The following LRRTM4 variants were observed in gnomAD, a reference collection of about 807,000 sequenced individuals.
LRRTM4 encodes the protein leucine rich repeat transmembrane neuronal 4.
Under a neutral mutation model 47.6 loss-of-function variants are expected in LRRTM4, and 25 were observed. The ratio of observed to expected loss-of-function variants is 0.53; its 90% CI spans 0.38 to 0.73. LRRTM4 has a LOEUF of 0.73. Ranked by LOEUF, LRRTM4 falls within the 30% of genes least tolerant of loss-of-function variation. The pLI, the probability that LRRTM4 is intolerant of heterozygous loss-of-function variation, is 0.00. For missense variants in LRRTM4, 638 were observed against 713.4 expected (o/e 0.89, Z 1.20); for synonymous variants, 311 against 269.5 (o/e 1.15, Z -1.51).
Position 77,430,173 on chromosome 2 carries a change from C to T in LRRTM4, c.1551+88145G>A, listed in dbSNP as rs112867423. On this transcript the variant is annotated intron_variant, in intron 3 of 3. Transcript: ENST00000409884. ...ATCTTGTTTTCTCCACAAACAATAA[C>T]AATGTGAGGTGATGCATATGTTAAT... Among the ~76,000 whole-genome samples the T allele has an allele frequency of 5.0e-3, 759 of 152,136 alleles. 5 individuals are homozygous for T. Among genetic ancestry groups the T allele is most frequent in the African/African-American group, 0.017 (719 of 41,502 alleles).
chr2:77,274,151 A>T (rs1676277769), intron 3 of LRRTM4, among the ~76,000 whole-genome samples: 1 of 152,088 alleles, frequency 6.6e-6, no homozygotes, highest in Non-Finnish European at 1.5e-5. Context: ...ACATTTACAC[A>T]CACACACATA....
At chr2:77,326,805 G>GTGTTATATCC in intron 3 of LRRTM4, among the ~76,000 whole-genome samples, 1 of 152,286 alleles carries the variant, frequency 6.6e-6, no homozygotes, top group East Asian at 1.9e-4. Context: ...GAAAGACAAC[G>GTGTTATATCC]TGTTATATCC....
At chr2:77,236,583 G>A (rs1387996695) in intron 3 of LRRTM4, among the ~76,000 whole-genome samples, 1 of 151,850 alleles carries the variant, frequency 6.6e-6, no homozygotes, top group Non-Finnish European at 1.5e-5. Context: ...ATGAGAATGA[G>A]CATCCTTTTC....
chr2:77,259,639 G>C (rs1475870912), intron 3 of LRRTM4, among the ~76,000 whole-genome samples: 3 of 151,980 alleles, frequency 2.0e-5, no homozygotes, highest in South Asian at 2.1e-4. Context: ...GGGTTAAAAT[G>C]TAGGCACACC....
chr2:76,774,515 A>C (rs770460473), intron 3 of LRRTM4, among the ~76,000 whole-genome samples: 1 of 152,188 alleles, frequency 6.6e-6, no homozygotes, highest in Non-Finnish European at 1.5e-5. Flanking sequence ...TATTAAGAAA[A>C]TTTAAAAAAG....
intron 3 of LRRTM4, among the ~76,000 whole-genome samples, chr2:77,319,231 C>A (rs1053236599): frequency 6.6e-6 from 1 of 151,872 alleles, no homozygotes; most frequent in Non-Finnish European, 1.5e-5. Flanking sequence ...ACTAAAAATA[C>A]AAAAAATCAG....
chr2:77,252,506 T>C (rs528043448), intron 3 of LRRTM4, among the ~76,000 whole-genome samples: 1 of 151,640 alleles, frequency 6.6e-6, no homozygotes, highest in Admixed American at 6.6e-5. Context: ...CTCCTAAGTC[T>C]TTTTAGATTT....
Position 77,095,155 on chromosome 2 carries a change from A to G in LRRTM4, c.1552-346239T>C, listed in dbSNP as rs544189173. ...GAAGAGATAAAAATATCCAACAGAT[A>G]TATGAAAACTAATGATCAGGAAAAT... On this transcript the variant is annotated intron_variant, in intron 3 of 3. Transcript: ENST00000409884. Among the ~76,000 whole-genome samples, 20 of 152,382 alleles carry G rather than the reference A, an allele frequency of 1.3e-4. No homozygotes were observed. The South Asian group carries it at 1.4e-3, about 11-fold the overall frequency.
intron 3 of LRRTM4, among the ~76,000 whole-genome samples, chr2:77,117,502 T>C (rs1426781794): frequency 6.6e-6 from 1 of 151,524 alleles, no homozygotes; most frequent in African/African-American, 2.4e-5. Context: ...AGTGCCATCC[T>C]TGTTTCTTAC....
At chr2:77,459,606 T>A (rs1428019568) in intron 3 of LRRTM4, among the ~76,000 whole-genome samples, 10 of 142,718 alleles carry the variant, frequency 7.0e-5, no homozygotes, top group Admixed American at 7.0e-4. Flanking sequence ...TTCATGACAC[T>A]TATATAAACA....
chr2:77,082,740 A>G (rs1159526905), intron 3 of LRRTM4, among the ~76,000 whole-genome samples: 1 of 152,144 alleles, frequency 6.6e-6, no homozygotes, highest in Non-Finnish European at 1.5e-5. Context: ...CAGAGAAAAA[A>G]AGTCTATTTT....
At chr2:77,006,233 G>T (rs758700281) in intron 3 of LRRTM4, among the ~76,000 whole-genome samples, 3 of 152,074 alleles carry the variant, frequency 2.0e-5, no homozygotes, top group African/African-American at 7.2e-5. Flanking sequence ...CTTAGAATGG[G>T]CTAGGATCCA....
At chr2:77,407,984 A>G (rs1674279944) in intron 3 of LRRTM4, among the ~76,000 whole-genome samples, 1 of 151,884 alleles carries the variant, frequency 6.6e-6, no homozygotes, top group Non-Finnish European at 1.5e-5. Flanking sequence ...CAAACCAATA[A>G]CCTGTCTTCT....
At chr2:77,518,019 T>G in intron 3 of LRRTM4, 1 of 1,109,004 alleles carries the variant, frequency 9.0e-7, no homozygotes, top group Non-Finnish European at 1.1e-6. Flanking sequence ...TGTTTGTATG[T>G]GTGTTTTTAA....
At chr2:77,098,092 A>G (rs1670859520) in intron 3 of LRRTM4, among the ~76,000 whole-genome samples, 1 of 152,038 alleles carries the variant, frequency 6.6e-6, no homozygotes, top group Admixed American at 6.6e-5. Context: ...ATAAAAATGA[A>G]ACTTATTATT....
At chr2:77,295,736 C>T (rs989574376) in intron 3 of LRRTM4, among the ~76,000 whole-genome samples, 1 of 152,120 alleles carries the variant, frequency 6.6e-6, no homozygotes, top group African/African-American at 2.4e-5. Context: ...TTGACTTTCA[C>T]GTTGTCTTTC....
intron 3 of LRRTM4, among the ~76,000 whole-genome samples, chr2:77,262,796 A>G (rs570686159): frequency 6.6e-6 from 1 of 152,146 alleles, no homozygotes; most frequent in Admixed American, 6.6e-5. Flanking sequence ...CGACTTATAT[A>G]ATAATGTATT....
chr2:77,123,198 T>C (rs1486369897), intron 3 of LRRTM4, among the ~76,000 whole-genome samples: 1 of 140,098 alleles, frequency 7.1e-6, no homozygotes, highest in Non-Finnish European at 1.5e-5. Context: ...TCCTTTGTGT[T>C]CAGCTTCAGT....
In LRRTM4 at chr2:77,096,811, G is replaced by A. The variant is rs951838142; in HGVS notation, c.1552-347895C>T. 2.0e-5 allele frequency among the ~76,000 whole-genome samples: 3 copies of A among 151,638 alleles called. No individual in the cohort carries two copies. The East Asian group carries it at 5.8e-4, about 29-fold the overall frequency. ...GAATAATTAAAAACACAAAAATAAAGCTTAAAAAATCAGGAGAAATAGAGT... is the reference window on the plus strand; with the variant it reads ...GAATAATTAAAAACACAAAAATAAAACTTAAAAAATCAGGAGAAATAGAGT... On this transcript the variant is annotated intron_variant, in intron 3 of 3. Transcript: ENST00000409884.
Sources: allele counts gnomAD v4.1 joint callset (sites outside exome capture counted in the v4.1 genomes callset), GRCh38; gene constraint gnomAD v4.1.1; transcripts MANE v1.5; gene names NCBI Gene and HGNC (gene_info 2026-07-23, HGNC 2026-07-21).